Variants in MIR2052HG observed in about 807,000 individuals in gnomAD.
MIR2052HG encodes MIR2052 host gene.
At chr8:74,745,117 A>G (rs906803307) in intron 4 of MIR2052HG, among the ~76,000 whole-genome samples, 1 of 152,054 alleles carries the variant, frequency 6.6e-6, no homozygotes, top group African/African-American at 2.4e-5. Context: ...TGAAAAAATG[A>G]AAAATAGCCA....
chr8:74,641,186 G>T (rs1808635934), intron 2 of MIR2052HG, among the ~76,000 whole-genome samples: 1 of 152,126 alleles, frequency 6.6e-6, no homozygotes, highest in Admixed American at 6.5e-5. Context: ...CTATTATTCT[G>T]TCAGATAAAG....
At position 74,610,541 on chromosome 8, in the gene MIR2052HG, C is replaced by CA. The variant is rs532614799; in HGVS notation, n.129-2305dup. 3.4e-3 allele frequency among the ~76,000 whole-genome samples: 512 copies of CA among 150,564 alleles called. 10 individuals carry two copies. The highest frequency in any genetic ancestry group is 0.03 in the Admixed American group (459 of 15,134). ...AGAAATGCCAACCACTGAGAATAGC[C>CA]AAAAAAACTCTGAAAAAAAAGAGGC... On this transcript the variant is annotated intron_variant and non_coding_transcript_variant, in intron 1 of 6. Transcript: ENST00000523442.
At chr8:74,668,236 A>G (rs989061860) in intron 2 of MIR2052HG, among the ~76,000 whole-genome samples, 17 of 151,624 alleles carry the variant, frequency 1.1e-4, no homozygotes, top group Admixed American at 5.9e-4. Flanking sequence ...ACTTATTTCT[A>G]TTACAAAAAA....
chr8:74,656,532 C>T (rs966961488), intron 2 of MIR2052HG, among the ~76,000 whole-genome samples: 1 of 152,136 alleles, frequency 6.6e-6, no homozygotes, highest in Non-Finnish European at 1.5e-5. Flanking sequence ...TTTGCTGCTG[C>T]CATGTAAGAA....
intron 4 of MIR2052HG, among the ~76,000 whole-genome samples, chr8:74,742,229 A>G (rs1300681427): frequency 1.3e-5 from 2 of 152,180 alleles, no homozygotes; most frequent in African/African-American, 2.4e-5. Context: ...CTACAAGGTC[A>G]TCTTACGTGG....
intron 4 of MIR2052HG, among the ~76,000 whole-genome samples, chr8:74,711,307 A>G (rs1215479510): frequency 6.6e-6 from 1 of 152,198 alleles, no homozygotes; most frequent in Non-Finnish European, 1.5e-5. Context: ...ACTGTACTGT[A>G]TGCTCTAAGA....
chr8:74,619,948 C>T (rs556938277), intron 2 of MIR2052HG, among the ~76,000 whole-genome samples: 72 of 152,306 alleles, frequency 4.7e-4, no homozygotes, highest in African/African-American at 1.7e-3. Flanking sequence ...CAAGTCCCTT[C>T]TGCCTATGAG....
At chr8:74,633,615 C>T (rs761397197) in intron 2 of MIR2052HG, among the ~76,000 whole-genome samples, 2 of 152,168 alleles carry the variant, frequency 1.3e-5, no homozygotes, top group Admixed American at 1.3e-4. Flanking sequence ...ACTTGTTATG[C>T]GTTTCCTAGG....
intron 4 of MIR2052HG, among the ~76,000 whole-genome samples, chr8:74,739,393 T>TA: frequency 6.6e-6 from 1 of 152,334 alleles, no homozygotes; most frequent in Admixed American, 6.5e-5. Context: ...TAAGCCTCTT[T>TA]AACCTCTGGA....
At chr8:74,692,455 T>TGAG (rs1809249369) in intron 2 of MIR2052HG, among the ~76,000 whole-genome samples, 1 of 152,194 alleles carries the variant, frequency 6.6e-6, no homozygotes. Flanking sequence ...ATGTCACTGG[T>TGAG]GAGGAACACT....
intron 2 of MIR2052HG, among the ~76,000 whole-genome samples, chr8:74,668,081 G>C (rs549621743): frequency 2.0e-5 from 3 of 151,410 alleles, no homozygotes; most frequent in South Asian, 4.2e-4. Context: ...CATGACCTGA[G>C]GTGGGGGCTA....
At chr8:74,656,866 T>A (rs913977003) in intron 2 of MIR2052HG, among the ~76,000 whole-genome samples, 5 of 152,208 alleles carry the variant, frequency 3.3e-5, no homozygotes, top group Non-Finnish European at 7.3e-5. Flanking sequence ...AAAGAAGGAA[T>A]GTTTAGGGAC....
At chr8:74,684,876 A>G (rs1040013009) in intron 2 of MIR2052HG, among the ~76,000 whole-genome samples, 42 of 152,268 alleles carry the variant, frequency 2.8e-4, no homozygotes, top group African/African-American at 9.9e-4. Context: ...GGAGGGAATA[A>G]TCTAAAATGT....
At chr8:74,621,922 T>C (rs1808366908) in intron 2 of MIR2052HG, among the ~76,000 whole-genome samples, 1 of 152,216 alleles carries the variant, frequency 6.6e-6, no homozygotes, top group Admixed American at 6.5e-5. Flanking sequence ...GAGACTCAAA[T>C]GTAAGGCCTG....
chr8:74,627,093 TATTCACCTTTCAG>T (rs539145041), intron 2 of MIR2052HG, among the ~76,000 whole-genome samples: 21 of 152,302 alleles, frequency 1.4e-4, no homozygotes, highest in African/African-American at 4.6e-4. Flanking sequence ...CTCCAACACA[TATTCACCTTTCAG>T]AGCTCAGAAC....
At position 74,630,280 on chromosome 8, in the gene MIR2052HG, G is replaced by C. The variant is rs548149285; in HGVS notation, n.216+17340G>C. Among the ~76,000 whole-genome samples the C allele has an allele frequency of 5.9e-5, 9 of 152,078 alleles. No homozygotes were observed. In the East Asian group the frequency reaches 1.4e-3, roughly 23 times the overall value. On this transcript the variant is annotated intron_variant and non_coding_transcript_variant, in intron 2 of 6. Transcript: ENST00000523442. The stretch of plus-strand genomic sequence containing the variant: ...GAAAATCTGACATATTTAATCAATG[G>C]ACTGAAAATGAAGTTTCCCTCTTCT...
intron 2 of MIR2052HG, among the ~76,000 whole-genome samples, chr8:74,637,512 C>A (rs1199308362): frequency 1.6e-4 from 25 of 152,046 alleles, no homozygotes; most frequent in Admixed American, 1.6e-3. Flanking sequence ...AAAAACACAG[C>A]CAATTTTAAC....
intron 1 of MIR2052HG, among the ~76,000 whole-genome samples, chr8:74,602,841 C>CTTTCTTTCTTTCTTTCT (rs1563508571): frequency 2.9e-5 from 4 of 139,978 alleles, no homozygotes; most frequent in African/African-American, 5.5e-5. Context: ...TTCTTTCTTT[C>CTTTCTTTCTTTCTTTCT]TTTCTTTCTT....
At chr8:74,743,921 A>G (rs1809856839) in intron 4 of MIR2052HG, among the ~76,000 whole-genome samples, 1 of 152,268 alleles carries the variant, frequency 6.6e-6, no homozygotes, top group African/African-American at 2.4e-5. Flanking sequence ...GTCAGCAGAC[A>G]CAGTACCAGA....
Sources: allele counts gnomAD v4.1 joint callset (sites outside exome capture counted in the v4.1 genomes callset), GRCh38; gene constraint gnomAD v4.1.1; transcripts MANE v1.5; gene names NCBI Gene and HGNC (gene_info 2026-07-23, HGNC 2026-07-21).